Variants in CA13 observed in about 807,000 individuals in gnomAD.
CA13 encodes the protein carbonic anhydrase 13.
CA13 carries 21 observed loss-of-function variants against 31.5 expected under a neutral mutation model. The observed-to-expected ratio is 0.67, with a 90% CI of 0.47 to 0.96. The LOEUF (loss-of-function observed/expected upper bound fraction) is 0.96, where lower values mean the gene tolerates loss of function less well. CA13 is among the 40% of genes least tolerant of loss of function. The pLI is 0.00. For missense variants in CA13, 315 were observed against 318.9 expected, an observed-to-expected ratio of 0.99 and a Z score of 0.09; for synonymous variants, 117 against 111.4, an observed-to-expected ratio of 1.05 and a Z score of -0.32.
intron 6 of CA13, among the ~76,000 whole-genome samples, chr8:85,276,260 C>A (rs531045975): frequency 1.5e-4 from 23 of 152,310 alleles, no homozygotes; most frequent in South Asian, 4.1e-4. Context: ...CTTCCTCCCC[C>A]CGGGGCAGGG....
chr8:85,246,222 A>G (rs969301669), intron 1 of CA13: 16 of 471,432 alleles, frequency 3.4e-5, no homozygotes. Flanking sequence ...CTGATGACAC[A>G]CTTCAGTGAA....
At chr8:85,261,798 G>A (rs1807384274) in intron 3 of CA13, among the ~76,000 whole-genome samples, 1 of 152,138 alleles carries the variant, frequency 6.6e-6, no homozygotes, top group Non-Finnish European at 1.5e-5. Flanking sequence ...ACCAGCACCA[G>A]CATTTAAAGA....
chr8:85,246,909 A>G (rs1813743152), intron 1 of CA13, among the ~76,000 whole-genome samples: 1 of 152,228 alleles, frequency 6.6e-6, no homozygotes, highest in Non-Finnish European at 1.5e-5. Context: ...TTCTATTAGC[A>G]TGTACATGAT....
chr8:85,268,611 ACAT>A lies in CA13; in HGVS notation c.656_658del (p.Ile219del). ...TGGATTGTTTTAAAGCAACCTATAAACATCAGCTCTCAACAGGTACATAATCTC... is the reference window on the plus strand; with the variant it reads ...TGGATTGTTTTAAAGCAACCTATAAACAGCTCTCAACAGGTACATAATCTC... On this transcript the variant is annotated inframe_deletion, in exon 6 of 7. Coordinates refer to ENST00000321764, the MANE Select transcript of CA13 (RefSeq NM_198584.3). 6.2e-7 allele frequency: 1 copy of A among 1,613,332 alleles called. No homozygotes were observed. Among genetic ancestry groups the A allele is most frequent in the South Asian group, 1.1e-5 (1 of 91,030 alleles).
intron 6 of CA13, among the ~76,000 whole-genome samples, chr8:85,281,004 G>T (rs1364615578): frequency 6.6e-6 from 1 of 152,070 alleles, no homozygotes; most frequent in African/African-American, 2.4e-5. Flanking sequence ...GGCCAGGCTG[G>T]TCTCAAATTA....
chr8:85,260,309 C>T (rs1807358888), intron 3 of CA13, among the ~76,000 whole-genome samples: 1 of 152,168 alleles, frequency 6.6e-6, no homozygotes. Context: ...CCCAACTTTA[C>T]CATGAGATGA....
intron 3 of CA13, among the ~76,000 whole-genome samples, 176 bp from the exon 4 acceptor site, chr8:85,266,432 C>T (rs553143373): frequency 2.6e-5 from 4 of 152,164 alleles, no homozygotes; most frequent in Non-Finnish European, 4.4e-5. Context: ...TCCTTCACTG[C>T]ATGAACTTTC....
intron 2 of CA13, among the ~76,000 whole-genome samples, chr8:85,253,427 G>A (rs1002267744): frequency 1.3e-4 from 19 of 151,696 alleles, no homozygotes; most frequent in African/African-American, 4.6e-4. Flanking sequence ...CCCATGCCCA[G>A]CTAATTTTTG....
intron 1 of CA13, 55 bp downstream of exon 1, chr8:85,245,920 G>A: frequency 6.2e-7 from 1 of 1,603,558 alleles, no homozygotes; most frequent in Non-Finnish European, 8.5e-7. Context: ...GAGAGGACTA[G>A]CGCGACGCCC....
chr8:85,279,302 A>C (rs1389277546), intron 6 of CA13, among the ~76,000 whole-genome samples: 1 of 152,206 alleles, frequency 6.6e-6, no homozygotes, highest in East Asian at 1.9e-4. Flanking sequence ...TAAGGGGATA[A>C]GACTGGTGGG....
chr8:85,270,453 G>C (rs1807514365), intron 6 of CA13, among the ~76,000 whole-genome samples: 1 of 152,194 alleles, frequency 6.6e-6, no homozygotes. Context: ...GAAATCCAGA[G>C]CTTGACTGAC....
Position 85,272,557 on chromosome 8 carries a change from C to A in CA13, c.669+3930C>A, listed in dbSNP as rs561919303. 7.9e-5 allele frequency among the ~76,000 whole-genome samples: 12 copies of A among 152,198 alleles called. No individual in the cohort carries two copies. In the South Asian group the frequency reaches 2.5e-3, roughly 32 times the overall value. ...AGGTAGTGACCCATGGTACCTGACC[C>A]ATTTCATTAACTTTTATTACTGTGT... is the stretch of plus-strand genomic sequence containing the variant. On this transcript the variant is annotated intron_variant, in intron 6 of 6. Transcript: ENST00000321764.
intron 4 of CA13, chr8:85,267,387 A>G: frequency 1.5e-6 from 1 of 666,022 alleles, no homozygotes; most frequent in Non-Finnish European, 1.9e-6. Flanking sequence ...TAATAATGAA[A>G]AGAGGATCAT....
chr8:85,283,513 T>C lies in CA13; in HGVS notation c.*2164T>C, dbSNP rs1807738585. 2 of 152,652 alleles carry C rather than the reference T, an allele frequency of 1.3e-5. No individual in the cohort carries two copies. The highest frequency in any genetic ancestry group is 1.3e-4 in the Admixed American group (2 of 15,284). 9.5% of individuals were successfully genotyped at this position (152,652 alleles called of 1,614,324 possible). A position where few individuals can be genotyped will look rare whatever the true frequency, so the allele number is the denominator to read the frequency against. On this transcript the variant is annotated 3_prime_UTR_variant, in exon 7 of 7. Transcript: ENST00000321764. ...ATGCACTATAAGTTAATATAACAAG[T>C]AAAATACATTGTCTTTTGAAAATAG... is the stretch of plus-strand genomic sequence containing the variant.
At chr8:85,266,450 G>T (rs1289824120) in intron 3 of CA13, among the ~76,000 whole-genome samples, 158 bp from the exon 4 acceptor site, 2 of 152,108 alleles carry the variant, frequency 1.3e-5, no homozygotes, top group East Asian at 3.8e-4. Context: ...TTCACTTTTG[G>T]ACAAAAATAA....
chr8:85,262,204 C>T (rs189291269), intron 3 of CA13, among the ~76,000 whole-genome samples: 24 of 29,006 alleles, frequency 8.3e-4, no homozygotes, highest in African/African-American at 3.5e-3. Flanking sequence ...TTCATTCTTT[C>T]ACTCAGTAAG....
intron 1 of CA13, among the ~76,000 whole-genome samples, chr8:85,246,130 TGTGA>T (rs1813725384): frequency 6.6e-6 from 1 of 152,230 alleles, no homozygotes; most frequent in South Asian, 2.1e-4. Context: ...TGTTCATACG[TGTGA>T]GTTCACCTTC....
chr8:85,258,500 TA>T (rs1372395221), intron 2 of CA13, among the ~76,000 whole-genome samples: 1 of 152,138 alleles, frequency 6.6e-6, no homozygotes, highest in East Asian at 1.9e-4. Context: ...GTTTTTACAG[TA>T]AAAAACTGTG....
chr8:85,274,584 C>A (rs190375371), intron 6 of CA13, among the ~76,000 whole-genome samples: 1 of 152,196 alleles, frequency 6.6e-6, no homozygotes, highest in Non-Finnish European at 1.5e-5. Context: ...ATTAAACTTA[C>A]CATAGACCCC....
Sources: gnomAD v4.1 joint callset for allele counts (sites outside exome capture counted in the v4.1 genomes callset) on GRCh38, gnomAD v4.1.1 for gene constraint, MANE v1.5 for transcripts, NCBI Gene and HGNC (gene_info 2026-07-23, HGNC 2026-07-21) for gene names.